TENM3: variants seen among roughly 807,000 people sequenced by gnomAD.
TENM3 encodes the protein teneurin-3.
A neutral mutation model predicts 255.1 loss-of-function variants in TENM3; 63 were observed. The ratio of observed to expected loss-of-function variants is 0.25; its 90% confidence interval spans 0.20 to 0.30. TENM3 has a LOEUF of 0.30. Ranked by LOEUF, TENM3 falls within the 10% of genes least tolerant of loss-of-function variation. TENM3 has a pLI of 1.00. For missense variants in TENM3, 2,929 were observed against 3,461.1 expected (o/e 0.85, Z 3.86); for synonymous variants, 1,306 against 1,322.3 (o/e 0.99, Z 0.27).
chr4:181,932,571 G>A, the TENM3 span, among the ~76,000 whole-genome samples: 1 of 152,218 alleles, frequency 6.6e-6, no homozygotes, highest in Non-Finnish European at 1.5e-5. Context: ...TGGTGGGAGT[G>A]TAAATTAGTT....
intron 1 of TENM3, among the ~76,000 whole-genome samples, chr4:182,278,483 C>G (rs2150255292): frequency 6.6e-6 from 1 of 152,236 alleles, no homozygotes; most frequent in East Asian, 1.9e-4. Flanking sequence ...TAAGAACTAT[C>G]TGCTGGGGCT....
the TENM3 span, among the ~76,000 whole-genome samples, chr4:181,735,194 A>G: frequency 6.6e-6 from 1 of 152,194 alleles, no homozygotes; most frequent in Non-Finnish European, 1.5e-5. Flanking sequence ...ATAAGCAGTT[A>G]TTTTCATTCA....
At chr4:181,450,687 C>T in the TENM3 span, among the ~76,000 whole-genome samples, 1 of 152,132 alleles carries the variant, frequency 6.6e-6, no homozygotes, top group Admixed American at 6.6e-5. Context: ...GACAACCTTC[C>T]TCAGTAGAAG....
At position 182,662,714 on chromosome 4, in the gene TENM3, G is replaced by A. The variant is rs146009682; in HGVS notation, c.1111+8821G>A. Among the ~76,000 whole-genome samples the A allele has an allele frequency of 1.1e-4, 17 of 152,210 alleles. No homozygotes were observed. The East Asian group carries it at 1.7e-3, about 16-fold the overall frequency. On this transcript the variant is annotated intron_variant, in intron 6 of 27. Transcript: ENST00000511685. ...ATTCGGGACATGATGAAAGACTTCT[G>A]TGTCCAGGCTTTTATCTAAGAGGAC... is the stretch of plus-strand genomic sequence containing the variant.
Position 182,199,720 on chromosome 4 carries a change from C to CTTTTTTT in TENM3, c.-76+54983_-76+54989dup, listed in dbSNP as rs367906246. On this transcript the variant is annotated intron_variant, in intron 1 of 2. Coordinates refer to the TENM3 transcript ENST00000512480. ...TAGATGGCTTTGTGGAACATCATTG[C>CTTTTTTT]TTTTTTTTTTTTTTTTTTTTTTTGA... Among the ~76,000 whole-genome samples, 412 of 104,822 alleles carry CTTTTTTT rather than the reference C, an allele frequency of 3.9e-3. 11 individuals are homozygous for CTTTTTTT. The highest frequency in any genetic ancestry group is 0.014 in the African/African-American group (361 of 26,650). 68.8% of individuals were successfully genotyped at this position (104,822 alleles called of 152,430 possible).
At chr4:181,799,857 T>C in the TENM3 span, among the ~76,000 whole-genome samples, 1 of 152,188 alleles carries the variant, frequency 6.6e-6, no homozygotes, top group Non-Finnish European at 1.5e-5. Context: ...TCTGTTTGGG[T>C]GAACAAGTCG....
At chr4:181,878,802 T>A in the TENM3 span, among the ~76,000 whole-genome samples, 1 of 152,126 alleles carries the variant, frequency 6.6e-6, no homozygotes, top group Non-Finnish European at 1.5e-5. Context: ...TACCTGTCTA[T>A]CTACCTATCT....
intron 3 of TENM3, among the ~76,000 whole-genome samples, chr4:182,495,129 T>C (rs1257324729): frequency 6.6e-6 from 1 of 152,226 alleles, no homozygotes; most frequent in Non-Finnish European, 1.5e-5. Flanking sequence ...CTTCCTCCTT[T>C]AAGACAAAAA....
intron 3 of TENM3, among the ~76,000 whole-genome samples, chr4:182,457,558 CTTTT>C (rs768197836): frequency 2.6e-5 from 3 of 115,244 alleles, no homozygotes; most frequent in Non-Finnish European, 5.1e-5. Flanking sequence ...TCATGTATAT[CTTTT>C]TTTTTTTTTT....
the TENM3 span, among the ~76,000 whole-genome samples, chr4:181,656,196 C>G: frequency 6.6e-6 from 1 of 152,224 alleles, no homozygotes; most frequent in South Asian, 2.1e-4. Flanking sequence ...TTTTGAGGCA[C>G]CTATCTGCAG....
the TENM3 span, among the ~76,000 whole-genome samples, chr4:181,776,816 C>A: frequency 1.3e-5 from 2 of 151,726 alleles, no homozygotes; most frequent in Non-Finnish European, 2.9e-5. Flanking sequence ...TTTTGTGCAG[C>A]CTGGATATAT....
chr4:182,015,833 C>T, the TENM3 span, among the ~76,000 whole-genome samples: 1 of 152,286 alleles, frequency 6.6e-6, no homozygotes, highest in Admixed American at 6.5e-5. Flanking sequence ...AGGCGTGAGC[C>T]ACTGCGCCTG....
Position 182,771,432 on chromosome 4 carries a change from A to G in TENM3, c.4893-2040A>G, listed in dbSNP as rs537655716. On this transcript the variant is annotated intron_variant, in intron 22 of 27. Transcript: ENST00000511685. The stretch of plus-strand genomic sequence containing the variant: ...AAAAGTCCCAGTTATGGTCCAGTCA[A>G]GAGATAGCGTGAGAGCCAGATCAAA... Among the ~76,000 whole-genome samples, 4 of 150,318 alleles carry G rather than the reference A, an allele frequency of 2.7e-5. No homozygotes were observed. In the East Asian group the frequency reaches 8.0e-4, roughly 30 times the overall value.
At chr4:181,642,385 G>T in the TENM3 span, among the ~76,000 whole-genome samples, 2 of 152,004 alleles carry the variant, frequency 1.3e-5, no homozygotes, top group Non-Finnish European at 2.9e-5. Flanking sequence ...TTTGTCAGTT[G>T]GATAGACGGC....
At chr4:182,096,871 G>A in the TENM3 span, among the ~76,000 whole-genome samples, 3 of 152,116 alleles carry the variant, frequency 2.0e-5, no homozygotes, top group Non-Finnish European at 4.4e-5. Context: ...CAACCTAATG[G>A]AATAAAATGA....
At chr4:182,796,571 G>A in intron 26 of TENM3, 66 bp from the exon 27 acceptor site, 1 of 1,395,762 alleles carries the variant, frequency 7.2e-7, no homozygotes, top group Non-Finnish European at 9.5e-7. Flanking sequence ...TTTAAGGTAA[G>A]AATTTAAATT....
intron 3 of TENM3, among the ~76,000 whole-genome samples, chr4:182,574,446 ACTTTTC>A (rs1744721011): frequency 1.3e-5 from 2 of 152,076 alleles, no homozygotes; most frequent in African/African-American, 4.8e-5. Context: ...TATTTATGAA[ACTTTTC>A]CTTTATTAGT....
intron 3 of TENM3, among the ~76,000 whole-genome samples, chr4:182,432,702 G>T (rs1451604859): frequency 2.0e-5 from 3 of 152,192 alleles, no homozygotes; most frequent in Non-Finnish European, 4.4e-5. Flanking sequence ...TGGCCAAAGT[G>T]GTAGAAACCA....
the TENM3 span, among the ~76,000 whole-genome samples, chr4:181,702,208 T>C: frequency 6.6e-3 from 1,004 of 152,332 alleles, 5 homozygotes; most frequent in Non-Finnish European, 9.2e-3. Context: ...GTTCTGAGGC[T>C]TCTGGTCCTC....
Sources: gnomAD v4.1 joint callset for allele counts (sites outside exome capture counted in the v4.1 genomes callset) on GRCh38, gnomAD v4.1.1 for gene constraint, MANE v1.5 for transcripts, NCBI Gene and HGNC (gene_info 2026-07-23, HGNC 2026-07-21) for gene names.